The following BBS9 variants were observed in gnomAD, a reference collection of about 807,000 sequenced individuals.
BBS9 encodes the protein Bardet-Biedl syndrome 9, also known as protein PTHB1.
In BBS9, 89 loss-of-function variants were observed where a neutral mutation model predicts 117.7. The ratio of observed to expected loss-of-function variants is 0.76; its 90% CI spans 0.64 to 0.90. BBS9 has a LOEUF of 0.90. BBS9 is among the 40% of genes least tolerant of loss of function. The pLI, the probability that BBS9 is intolerant of heterozygous loss-of-function variation, is 0.00. For missense variants in BBS9, 982 were observed against 1,042.2 expected, an observed-to-expected ratio of 0.94 and a Z score of 0.80; for synonymous variants, 379 against 370.9, an observed-to-expected ratio of 1.02 and a Z score of -0.25.
intron 5 of BBS9, among the ~76,000 whole-genome samples, chr7:33,238,948 A>G (rs1240151021): frequency 6.6e-6 from 1 of 152,166 alleles, no homozygotes; most frequent in Non-Finnish European, 1.5e-5. Flanking sequence ...GTTATAAATT[A>G]CCAGTATTTG....
intron 19 of BBS9, among the ~76,000 whole-genome samples, chr7:33,388,992 A>G (rs1019154625): frequency 6.6e-6 from 1 of 152,212 alleles, no homozygotes; most frequent in African/African-American, 2.4e-5. Context: ...GTGCAGTTGT[A>G]ACAAATAATG....
intron 21 of BBS9, among the ~76,000 whole-genome samples, chr7:33,578,562 A>C (rs967430092): frequency 3.3e-5 from 5 of 152,312 alleles, no homozygotes; most frequent in African/African-American, 9.6e-5. Context: ...AAATATTTGA[A>C]GCCTAGTTTT....
chr7:33,485,016 C>T (rs529765336), intron 19 of BBS9, among the ~76,000 whole-genome samples: 72 of 152,258 alleles, frequency 4.7e-4, no homozygotes, highest in African/African-American at 1.2e-3. Context: ...GGCTAGAAGC[C>T]GTTATCCTCA....
At chr7:33,437,702 C>T (rs569059571) in intron 19 of BBS9, among the ~76,000 whole-genome samples, 2 of 152,002 alleles carry the variant, frequency 1.3e-5, no homozygotes, top group Non-Finnish European at 1.5e-5. Context: ...GGTGAAACTC[C>T]GTCTCTACTA....
At chr7:33,192,703 T>C (rs1379834537) in intron 5 of BBS9, among the ~76,000 whole-genome samples, 1 of 152,214 alleles carries the variant, frequency 6.6e-6, no homozygotes. Flanking sequence ...AGAACAGACA[T>C]TTATTTCTCA....
At chr7:33,288,572 T>C (rs1186472948) in intron 9 of BBS9, among the ~76,000 whole-genome samples, 4 of 152,262 alleles carry the variant, frequency 2.6e-5, no homozygotes, top group African/African-American at 9.6e-5. Context: ...GAAAGACTTA[T>C]TACCCTTTTT....
At chr7:33,245,112 T>A (rs1054901187) in intron 5 of BBS9, among the ~76,000 whole-genome samples, 3 of 152,176 alleles carry the variant, frequency 2.0e-5, no homozygotes, top group Non-Finnish European at 4.4e-5. Flanking sequence ...TACTAAGGGA[T>A]CTAAGGATCA....
chr7:33,528,058 A>G (rs1306643887), intron 20 of BBS9, among the ~76,000 whole-genome samples: 1 of 152,234 alleles, frequency 6.6e-6, no homozygotes, highest in African/African-American at 2.4e-5. Flanking sequence ...ACAATTCCAT[A>G]CAATATGATA....
At chr7:33,426,354 G>A (rs10250312) in intron 19 of BBS9, among the ~76,000 whole-genome samples, 1 of 152,158 alleles carries the variant, frequency 6.6e-6, no homozygotes, top group African/African-American at 2.4e-5. Flanking sequence ...GAGGGACTCT[G>A]TAATGTTTTG....
Position 33,177,548 on chromosome 7 carries a change from A to T in BBS9, c.399A>T (p.Arg133Ser), listed in dbSNP as rs375243042. 1 of 1,613,698 alleles carries T rather than the reference A, an allele frequency of 6.2e-7. No homozygotes were observed. The highest frequency in any genetic ancestry group is 1.3e-5 in the African/African-American group (1 of 75,026). Residue 133 changes from arginine (R) to serine (S), a missense_variant, in exon 5 of 23, where the codon AGA becomes AGT. Physicochemically the swap from Arg to Ser is moderately radical, Grantham distance 110. Coordinates refer to ENST00000242067, the MANE Select transcript of BBS9 (RefSeq NM_198428.3). ...MKLMYEHNLQ[R>S]TACNMTYGSF... Reference sequence around the variant, plus strand: ...TGATGTATGAACATAATCTTCAGAGAACAGCCTGCAATATGACCTATGGAT... The same window carrying T: ...TGATGTATGAACATAATCTTCAGAGTACAGCCTGCAATATGACCTATGGAT...
chr7:33,561,271 G>A (rs558870870), intron 21 of BBS9, among the ~76,000 whole-genome samples: 12 of 152,136 alleles, frequency 7.9e-5, no homozygotes, highest in East Asian at 3.9e-4. Context: ...TTCTCTCTCC[G>A]CCCAACTCCA....
Position 33,402,751 on chromosome 7 carries a change from A to AT in BBS9, c.2115+14609dup, listed in dbSNP as rs546279988. ...CTGTGCAGGCTTGTTACAAAGGTAT[A>AT]TTGCATGATGCTGAGGTTTGGAGTA... is the stretch of plus-strand genomic sequence containing the variant. On this transcript the variant is annotated intron_variant, in intron 19 of 22. Coordinates refer to ENST00000242067, the MANE Select transcript of BBS9 (RefSeq NM_198428.3). 7.9e-5 allele frequency among the ~76,000 whole-genome samples: 12 copies of AT among 152,280 alleles called. No homozygotes were observed. The South Asian group carries it at 2.1e-3, about 26-fold the overall frequency.
chr7:33,196,528 A>G (rs563909261), intron 5 of BBS9, among the ~76,000 whole-genome samples: 36 of 152,292 alleles, frequency 2.4e-4, no homozygotes, highest in African/African-American at 7.9e-4. Context: ...CAGGGAATCA[A>G]TGGATAATGT....
intron 1 of BBS9, among the ~76,000 whole-genome samples, chr7:33,143,244 C>T (rs1791804602): frequency 6.6e-6 from 1 of 152,188 alleles, no homozygotes; most frequent in Admixed American, 6.5e-5. Flanking sequence ...GCTGGGATTA[C>T]AGGCCTGAGC....
In BBS9 at chr7:33,190,241, T is replaced by G. The variant is rs574805816; in HGVS notation, c.442+12650T>G. ...TTCACGCCATTCTCCTGCCTCAGCCTCCTGAGCAGCTGGGTCCACAGGCAC... is the reference window on the plus strand; with the variant it reads ...TTCACGCCATTCTCCTGCCTCAGCCGCCTGAGCAGCTGGGTCCACAGGCAC... On this transcript the variant is annotated intron_variant, in intron 5 of 22. Transcript: ENST00000242067. Among the ~76,000 whole-genome samples, 176 of 150,946 alleles carry G rather than the reference T, an allele frequency of 1.2e-3. 3 individuals are homozygous for G. In the Middle Eastern group the frequency reaches 0.014, roughly 12 times the overall value.
intron 4 of BBS9, 51 bp downstream of exon 4, chr7:33,155,753 T>A (rs1418137010): frequency 1.9e-6 from 2 of 1,077,830 alleles, no homozygotes; most frequent in South Asian, 2.6e-5. Flanking sequence ...TTGGGCTTAA[T>A]GTTATATGAG....
chr7:33,360,524 C>CTTT lies in BBS9; in HGVS notation c.1693+2541_1693+2543dup, dbSNP rs5883399. Among the ~76,000 whole-genome samples the CTTT allele has an allele frequency of 3.2e-3, 458 of 142,016 alleles. 6 individuals carry two copies. Among genetic ancestry groups the CTTT allele is most frequent in the African/African-American group, 0.011 (409 of 38,584 alleles). The allele number at this position is 142,016 out of a possible 152,430, so 93.2% of individuals were successfully genotyped here. On this transcript the variant is annotated intron_variant, in intron 16 of 22. Coordinates refer to ENST00000242067, the MANE Select transcript of BBS9 (RefSeq NM_198428.3). ...GAAAAGTGAATTAAGCAATAAATAC[C>CTTT]TTTTTTTTTTTTTTGAGACAGGGTC...
At chr7:33,626,163 T>A (rs1242935633) in intron 21 of BBS9, among the ~76,000 whole-genome samples, 1 of 152,184 alleles carries the variant, frequency 6.6e-6, no homozygotes, top group Admixed American at 6.5e-5. Context: ...TAAAAATGTG[T>A]AGCACTTCTC....
intron 1 of BBS9, among the ~76,000 whole-genome samples, chr7:33,139,604 A>G (rs1483563718): frequency 2.0e-5 from 3 of 151,368 alleles, no homozygotes; most frequent in African/African-American, 7.2e-5. Flanking sequence ...ATCATTCATT[A>G]TCATTGACAG....
Sources: allele counts gnomAD v4.1 joint callset (sites outside exome capture counted in the v4.1 genomes callset), GRCh38; gene constraint gnomAD v4.1.1; transcripts MANE v1.5; gene names NCBI Gene and HGNC (gene_info 2026-07-23, HGNC 2026-07-21).